Variants in MDH1B observed in about 807,000 individuals in gnomAD.
The protein encoded by MDH1B is putative malate dehydrogenase 1B.
In MDH1B, 60 loss-of-function variants were observed where a neutral mutation model predicts 61.4. The observed-to-expected ratio is 0.98, with a 90% CI of 0.79 to 1.21. MDH1B has a LOEUF of 1.21. Ranked by LOEUF, MDH1B falls within the 50% of genes most tolerant of loss-of-function variation. The pLI, the probability that MDH1B is intolerant of heterozygous loss-of-function variation, is 0.00. For missense variants in MDH1B, 587 were observed against 632.1 expected (o/e 0.93, Z 0.76); for synonymous variants, 236 against 218.7 (o/e 1.08, Z -0.70).
At chr2:206,741,138 T>C (rs1265603025) in intron 9 of MDH1B, 34 bp from the exon 10 acceptor site, 1 of 1,611,576 alleles carries the variant, frequency 6.2e-7, no homozygotes, top group African/African-American at 1.3e-5. Context: ...ATGCTGGATT[T>C]AGAATATAAC....
At chr2:206,761,165 C>A (rs769932282) in intron 1 of MDH1B, 152 bp from the exon 2 acceptor site, 1 of 472,426 alleles carries the variant, frequency 2.1e-6, no homozygotes, top group East Asian at 3.1e-5. Context: ...ACATAAACTT[C>A]TGATGTTTAT....
At chr2:206,746,227 A>G (rs1349600377) in intron 8 of MDH1B, 60 bp downstream of exon 8, 1 of 1,465,590 alleles carries the variant, frequency 6.8e-7, no homozygotes, top group Non-Finnish European at 9.1e-7. Context: ...GCCTTGGCCT[A>G]GGAGAATCAG....
At chr2:206,759,256 T>C (rs1160001049) in intron 2 of MDH1B, among the ~76,000 whole-genome samples, 6 of 152,172 alleles carry the variant, frequency 3.9e-5, no homozygotes, top group African/African-American at 1.4e-4. Context: ...GTTCCTGTAT[T>C]ACTTTGCTAA....
intron 2 of MDH1B, among the ~76,000 whole-genome samples, chr2:206,758,395 C>T (rs1397909586): frequency 6.6e-6 from 1 of 152,180 alleles, no homozygotes; most frequent in Non-Finnish European, 1.5e-5. Flanking sequence ...GCCAGACTGG[C>T]TCTTAGAAAC....
chr2:206,749,302 C>T, intron 6 of MDH1B, 119 bp from the exon 7 acceptor site: 3 of 774,934 alleles, frequency 3.9e-6, no homozygotes, highest in Non-Finnish European at 6.0e-6. Context: ...AATAGAAATA[C>T]AGCTTTATTT....
At chr2:206,757,400 T>C in intron 2 of MDH1B, 29 bp from the exon 3 acceptor site, 3 of 1,601,888 alleles carry the variant, frequency 1.9e-6, no homozygotes, top group Non-Finnish European at 2.6e-6. Flanking sequence ...AGTGAAGTCA[T>C]ATATTAAATC....
intron 2 of MDH1B, 88 bp downstream of exon 2, chr2:206,760,813 A>C (rs1271741169): frequency 1.4e-6 from 1 of 718,288 alleles, no homozygotes; most frequent in African/African-American, 1.8e-5. Context: ...CATTCCTAGA[A>C]GCCAGTCTAA....
Position 206,741,091 on chromosome 2 carries a change from C to G in MDH1B, c.1422G>C (p.Leu474=). The change falls in exon 10 of 12, where the codon CTG becomes CTC. Residue 474 remains leucine, a synonymous_variant. Coordinates refer to ENST00000374412, the MANE Select transcript of MDH1B (RefSeq NM_001039845.3). Reference sequence around the variant, plus strand: ...CTAGATTTTTTTCTTCATCAGGGACCAGATCTTTATGTCCTGAAATCAAAA... The same window carrying G: ...CTAGATTTTTTTCTTCATCAGGGACGAGATCTTTATGTCCTGAAATCAAAA... ...FQPYQSGHKD[L]VPDEEKNLAM... The G allele has an allele frequency of 1.2e-6, 2 of 1,612,648 alleles. No homozygotes were observed. Among genetic ancestry groups the G allele is most frequent in the Non-Finnish European group, 1.7e-6 (2 of 1,179,112 alleles).
At chr2:206,750,844 A>G in intron 6 of MDH1B, 90 bp downstream of exon 6, 1 of 1,127,560 alleles carries the variant, frequency 8.9e-7, no homozygotes. Context: ...TTATTTTTGT[A>G]CAAAGATTTA....
Position 206,750,974 on chromosome 2 carries a change from G to T in MDH1B, c.1012C>A (p.Leu338Ile). 1 of 1,611,564 alleles carries T rather than the reference G, an allele frequency of 6.2e-7. No individual in the cohort carries two copies. The highest frequency in any genetic ancestry group is 2.2e-5 in the East Asian group (1 of 44,806). Residue 338 changes from leucine to isoleucine, a missense_variant, in exon 6 of 12, where the codon CTT becomes ATT. Coordinates refer to ENST00000374412, the MANE Select transcript of MDH1B (RefSeq NM_001039845.3). ...YRYESAIWGP[L>I]HYSRPVLNLI... ...TTTAAAACAGGGCGTGAATAATGAA[G>T]AGGTCCCCAAATGGCACTCTCATAT...
chr2:206,747,088 G>A (rs1035648332), intron 7 of MDH1B, among the ~76,000 whole-genome samples: 17 of 151,950 alleles, frequency 1.1e-4, no homozygotes, highest in Admixed American at 7.2e-4. Context: ...AATTGTCCCC[G>A]TTTCTGGTGC....
intron 9 of MDH1B, among the ~76,000 whole-genome samples, chr2:206,742,165 T>G: frequency 6.6e-6 from 1 of 152,200 alleles, no homozygotes. Flanking sequence ...AAGATTGCCC[T>G]GAGTGAGTCT....
At chr2:206,755,537 G>C in intron 4 of MDH1B, 32 bp from the exon 5 acceptor site, 2 of 1,581,394 alleles carry the variant, frequency 1.3e-6, no homozygotes, top group Middle Eastern at 1.7e-4. Flanking sequence ...ATTGTGAATA[G>C]TTATATCCTT....
intron 1 of MDH1B, among the ~76,000 whole-genome samples, chr2:206,763,355 C>T (rs2105961024): frequency 6.6e-6 from 1 of 151,876 alleles, no homozygotes; most frequent in South Asian, 2.1e-4. Context: ...AATTAGACAT[C>T]CAGTTCTATA....
Position 206,738,235 on chromosome 2 carries a change from C to T in MDH1B, c.*248G>A, listed in dbSNP as rs1687599655. The T allele has an allele frequency of 2.9e-6, 1 of 343,344 alleles. No individual in the cohort carries two copies. The highest frequency in any genetic ancestry group is 5.3e-6 in the Non-Finnish European group (1 of 190,074). The allele number at this position is 343,344 out of a possible 1,614,324, so 21.3% of individuals were successfully genotyped here. ...TATTTTAATGTAATATAAAAAATAG[C>T]ATTTGACACCAAAATAGTTCTAAGA... On this transcript the variant is annotated 3_prime_UTR_variant, in exon 12 of 12. Transcript: ENST00000374412.
intron 5 of MDH1B, among the ~76,000 whole-genome samples, chr2:206,754,567 GGC>G (rs1688645548): frequency 6.6e-6 from 1 of 152,156 alleles, no homozygotes; most frequent in Non-Finnish European, 1.5e-5. Context: ...CTAGGAGATA[GGC>G]ACTGTTAACG....
chr2:206,747,701 G>A (rs1004198796), intron 7 of MDH1B, among the ~76,000 whole-genome samples: 14 of 152,174 alleles, frequency 9.2e-5, no homozygotes, highest in African/African-American at 2.4e-4. Flanking sequence ...CGTGATAGGC[G>A]AACAAAATGC....
chr2:206,751,989 C>T (rs1688476749), intron 5 of MDH1B, among the ~76,000 whole-genome samples: 1 of 152,156 alleles, frequency 6.6e-6, no homozygotes, highest in African/African-American at 2.4e-5. Flanking sequence ...ACAGAATATC[C>T]TACTGACTTG....
At chr2:206,757,069 TC>T (rs1159357512) in intron 3 of MDH1B, 29 bp from the exon 4 acceptor site, 1 of 1,603,430 alleles carries the variant, frequency 6.2e-7, no homozygotes, top group East Asian at 2.2e-5. Flanking sequence ...AAAGTCAATA[TC>T]AGAGAATAGA....
Sources: gnomAD v4.1 joint callset for allele counts (sites outside exome capture counted in the v4.1 genomes callset) on GRCh38, gnomAD v4.1.1 for gene constraint, MANE v1.5 for transcripts, NCBI Gene and HGNC (gene_info 2026-07-23, HGNC 2026-07-21) for gene names.